Variants in FOCAD observed in about 807,000 individuals in gnomAD.
FOCAD encodes the protein KIAA1797.
In FOCAD, 198 loss-of-function variants were observed where a neutral mutation model predicts 225.6. The ratio of observed to expected loss-of-function variants is 0.88; its 90% CI spans 0.78 to 0.99. The LOEUF (loss-of-function observed/expected upper bound fraction) is 0.99, where lower values mean the gene tolerates loss of function less well. Among genes scored for constraint, FOCAD ranks in the 50% least tolerant of loss-of-function variants. The pLI is 0.00. For missense variants in FOCAD, 2,713 were observed against 2,123.6 expected, an observed-to-expected ratio of 1.28 and a Z score of -5.46; for synonymous variants, 897 against 755.0, an observed-to-expected ratio of 1.19 and a Z score of -3.08.
Position 20,819,972 on chromosome 9 carries a change from T to A in FOCAD, c.1560+72T>A, listed in dbSNP as rs753434620. 3 of 963,588 alleles carry A rather than the reference T, an allele frequency of 3.1e-6. No individual in the cohort carries two copies. The South Asian group carries it at 5.4e-5, about 17-fold the overall frequency. 59.7% of individuals were successfully genotyped at this position (963,588 alleles called of 1,614,324 possible). A position where few individuals can be genotyped will look rare whatever the true frequency, so the allele number is the denominator to read the frequency against. The stretch of plus-strand genomic sequence containing the variant: ...TAATACTTTGAATTCTTTTTGGTAT[T>A]ATGAAATTTTAAGCCCTAAATTTTG... On this transcript the variant is annotated intron_variant, in intron 12 of 43. Transcript: ENST00000338382.
At chr9:20,710,705 T>G (rs1234767300) in intron 1 of FOCAD, among the ~76,000 whole-genome samples, 1 of 152,188 alleles carries the variant, frequency 6.6e-6, no homozygotes, top group African/African-American at 2.4e-5. Context: ...AGAAATTTCC[T>G]TCAGAGTTTA....
intron 40 of FOCAD, among the ~76,000 whole-genome samples, chr9:20,987,337 G>A (rs1288207633): frequency 6.6e-6 from 1 of 152,070 alleles, no homozygotes; most frequent in Non-Finnish European, 1.5e-5. Context: ...GTGAAACCCT[G>A]TCTCTACTAA....
At chr9:20,832,555 T>C (rs1007595878) in intron 15 of FOCAD, among the ~76,000 whole-genome samples, 30 of 152,070 alleles carry the variant, frequency 2.0e-4, no homozygotes, top group African/African-American at 6.8e-4. Flanking sequence ...ACAATCTAAT[T>C]ACACTCTTTA....
chr9:20,948,725 G>C, intron 31 of FOCAD, 126 bp from the exon 32 acceptor site: 1 of 994,574 alleles, frequency 1.0e-6, no homozygotes, highest in Non-Finnish European at 1.5e-6. Context: ...CAGTTATACA[G>C]GTTACGTTGA....
At chr9:20,914,703 A>C (rs943268989) in intron 23 of FOCAD, among the ~76,000 whole-genome samples, 1 of 152,150 alleles carries the variant, frequency 6.6e-6, no homozygotes, top group African/African-American at 2.4e-5. Context: ...TGCAGGGTGG[A>C]GAGTCTTTGT....
At chr9:20,822,631 C>G (rs1824447689) in intron 14 of FOCAD, among the ~76,000 whole-genome samples, 1 of 152,042 alleles carries the variant, frequency 6.6e-6, no homozygotes, top group South Asian at 2.1e-4. Context: ...CTGATACTAT[C>G]AGGCCAGAAT....
intron 8 of FOCAD, 66 bp from the exon 9 acceptor site, chr9:20,778,615 C>G (rs752647339): frequency 1.3e-6 from 1 of 796,566 alleles, no homozygotes; most frequent in Non-Finnish European, 2.2e-6. Context: ...TTCCTGGATA[C>G]ATGTTACAAA....
Position 20,798,306 on chromosome 9 carries a change from C to G in FOCAD, c.1455+8698C>G, listed in dbSNP as rs539365066. Among the ~76,000 whole-genome samples the G allele has an allele frequency of 4.8e-3, 730 of 152,158 alleles. 4 individuals carry two copies. Among genetic ancestry groups the G allele is most frequent in the African/African-American group, 0.015 (626 of 41,508 alleles). ...TCATCAGGGATATTGGTCTAAAATT[C>G]TCTTTTTTGGTTGTGTCTCTGCCAG... On this transcript the variant is annotated intron_variant, in intron 11 of 43. Transcript: ENST00000338382.
intron 35 of FOCAD, among the ~76,000 whole-genome samples, chr9:20,969,966 T>C (rs1004645417): frequency 2.0e-5 from 3 of 148,942 alleles, no homozygotes; most frequent in African/African-American, 7.4e-5. Flanking sequence ...TATAGTTTTG[T>C]TGGATACAGC....
chr9:20,715,079 A>G (rs1389292758), intron 1 of FOCAD, among the ~76,000 whole-genome samples: 1 of 152,098 alleles, frequency 6.6e-6, no homozygotes, highest in African/African-American at 2.4e-5. Context: ...CATCTTTTTC[A>G]GGATTAGCTC....
chr9:20,862,656 C>T lies in FOCAD; in HGVS notation c.1999C>T (p.Leu667=), dbSNP rs374337191. 22 of 1,613,468 alleles carry T rather than the reference C, an allele frequency of 1.4e-5. No individual in the cohort carries two copies. The change falls in exon 16 of 44, where the codon CTG becomes TTG. Residue 667 remains leucine (L), a synonymous_variant. Coordinates refer to ENST00000338382, the MANE Select transcript of FOCAD (RefSeq NM_001375567.1). ...CACAAGACCTCTCATTCTGAAGACA[C>T]TGAGTGAACTATTTTCTCTAGTTCC... is the stretch of plus-strand genomic sequence containing the variant. ...CDTRPLILKT[L]SELFSLVPSL...
intron 21 of FOCAD, among the ~76,000 whole-genome samples, chr9:20,902,968 T>G (rs1387581252): frequency 6.6e-6 from 1 of 151,954 alleles, no homozygotes; most frequent in Non-Finnish European, 1.5e-5. Context: ...AAACTAGGTA[T>G]TTTCAATTCT....
At chr9:20,729,217 G>A (rs554637532) in intron 4 of FOCAD, among the ~76,000 whole-genome samples, 130 of 152,302 alleles carry the variant, frequency 8.5e-4, no homozygotes, top group Non-Finnish European at 1.4e-3. Flanking sequence ...GTGTCAGCAG[G>A]ACTGATTCCT....
At chr9:20,817,809 C>T (rs898631017) in intron 11 of FOCAD, among the ~76,000 whole-genome samples, 4 of 151,954 alleles carry the variant, frequency 2.6e-5, no homozygotes, top group African/African-American at 9.7e-5. Flanking sequence ...GGGTTGTTTC[C>T]ACTTTTTGGC....
At chr9:20,959,382 A>G (rs1838490801) in intron 35 of FOCAD, among the ~76,000 whole-genome samples, 1 of 151,904 alleles carries the variant, frequency 6.6e-6, no homozygotes, top group Non-Finnish European at 1.5e-5. Context: ...TTAAAATCAG[A>G]TTGTTTATTT....
chr9:20,886,980 G>A (rs370455735), intron 21 of FOCAD, among the ~76,000 whole-genome samples: 28 of 152,180 alleles, frequency 1.8e-4, no homozygotes, highest in African/African-American at 6.5e-4. Flanking sequence ...TTGAACCCAG[G>A]CAGTGAGGCT....
At chr9:20,671,379 C>T (rs1822059222) in intron 2 of FOCAD, among the ~76,000 whole-genome samples, 1 of 152,124 alleles carries the variant, frequency 6.6e-6, no homozygotes, top group Admixed American at 6.5e-5. Context: ...TGTGGACAAT[C>T]CTGTTATCTC....
intron 22 of FOCAD, among the ~76,000 whole-genome samples, chr9:20,912,628 C>A (rs1461261697): frequency 6.6e-6 from 1 of 152,060 alleles, no homozygotes; most frequent in Admixed American, 6.6e-5. Context: ...AAATTAAATT[C>A]TCTGCACTAA....
At chr9:20,960,814 A>G (rs376486637) in intron 35 of FOCAD, among the ~76,000 whole-genome samples, 28 of 147,608 alleles carry the variant, frequency 1.9e-4, no homozygotes, top group African/African-American at 5.8e-4. Flanking sequence ...TCATTATTCA[A>G]TTCCCACCTA....
Sources: allele counts gnomAD v4.1 joint callset (sites outside exome capture counted in the v4.1 genomes callset), GRCh38; gene constraint gnomAD v4.1.1; transcripts MANE v1.5; gene names NCBI Gene and HGNC (gene_info 2026-07-23, HGNC 2026-07-21).